The following FOXN3 variants were observed in gnomAD, a reference collection of about 807,000 sequenced individuals.
FOXN3 encodes the protein forkhead box N3.
Under a neutral mutation model 38.4 loss-of-function variants are expected in FOXN3, and 7 were observed. The observed-to-expected ratio is 0.18, with a 90% confidence interval of 0.10 to 0.34. FOXN3 has a LOEUF of 0.34. Among genes scored for constraint, FOXN3 ranks in the 10% least tolerant of loss-of-function variants. The pLI is 1.00. For missense variants in FOXN3, 456 were observed against 613.4 expected (o/e 0.74, Z 2.71); for synonymous variants, 230 against 242.2 (o/e 0.95, Z 0.47).
At chr14:89,236,610 T>C (rs1370490682) in intron 4 of FOXN3, among the ~76,000 whole-genome samples, 1 of 152,200 alleles carries the variant, frequency 6.6e-6, no homozygotes, top group Non-Finnish European at 1.5e-5. Flanking sequence ...CAAGGGGCTA[T>C]GGGAGCTAAC....
intron 4 of FOXN3, among the ~76,000 whole-genome samples, chr14:89,231,074 A>T (rs1352098290): frequency 6.6e-6 from 1 of 152,204 alleles, no homozygotes; most frequent in Non-Finnish European, 1.5e-5. Context: ...CTTGATGAGG[A>T]GAAGCATGCC....
intron 4 of FOXN3, among the ~76,000 whole-genome samples, chr14:89,207,549 C>T (rs981812569): frequency 2.6e-5 from 4 of 152,214 alleles, no homozygotes; most frequent in South Asian, 4.2e-4. Flanking sequence ...ATCCTCATTA[C>T]TTGGGGGTGA....
chr14:89,427,645 C>T (rs1892069215), intron 1 of FOXN3, among the ~76,000 whole-genome samples: 1 of 151,736 alleles, frequency 6.6e-6, no homozygotes, highest in African/African-American at 2.4e-5. Flanking sequence ...TGAAAAGGCA[C>T]TACTTGCAAA....
At chr14:89,351,694 T>G (rs770688269) in intron 2 of FOXN3, among the ~76,000 whole-genome samples, 2 of 152,236 alleles carry the variant, frequency 1.3e-5, no homozygotes, top group African/African-American at 4.8e-5. Flanking sequence ...CCCAAACTGT[T>G]TGATAAGGTC....
chr14:89,240,009 G>A (rs1885096146), intron 4 of FOXN3, among the ~76,000 whole-genome samples: 1 of 152,174 alleles, frequency 6.6e-6, no homozygotes. Flanking sequence ...ATCCAGCAGT[G>A]ACTGGTCAAA....
At chr14:89,364,937 G>A (rs972436321) in intron 2 of FOXN3, among the ~76,000 whole-genome samples, 1 of 152,196 alleles carries the variant, frequency 6.6e-6, no homozygotes, top group African/African-American at 2.4e-5. Flanking sequence ...GTGCTTATGC[G>A]TGTTTGAATG....
chr14:89,254,577 T>C (rs764188666), intron 4 of FOXN3, among the ~76,000 whole-genome samples: 117 of 152,206 alleles, frequency 7.7e-4, no homozygotes, highest in Non-Finnish European at 6.9e-4. Context: ...CAGATATTTA[T>C]GTAAAATTTC....
chr14:89,488,307 C>G (rs578122223), intron 1 of FOXN3, among the ~76,000 whole-genome samples: 3 of 151,356 alleles, frequency 2.0e-5, no homozygotes, highest in Admixed American at 6.6e-5. Flanking sequence ...GGGGGCTCCT[C>G]TTTTTCATTA....
intron 3 of FOXN3, among the ~76,000 whole-genome samples, chr14:89,334,335 TGTG>T (rs1450606192): frequency 1.3e-5 from 2 of 151,042 alleles, no homozygotes; most frequent in Non-Finnish European, 3.0e-5. Context: ...GTTGGCTGGA[TGTG>T]GTGGCTCACG....
intron 2 of FOXN3, among the ~76,000 whole-genome samples, chr14:89,357,418 C>T (rs1252308419): frequency 6.6e-6 from 1 of 152,092 alleles, no homozygotes; most frequent in African/African-American, 2.4e-5. Context: ...ACCAGCCTGG[C>T]CAACATGGTG....
chr14:89,578,887 G>A (rs1270106632), intron 1 of FOXN3, among the ~76,000 whole-genome samples: 1 of 152,036 alleles, frequency 6.6e-6, no homozygotes, highest in African/African-American at 2.4e-5. Context: ...TTGCTCCTTC[G>A]CCCAGGCAGG....
In FOXN3 at chr14:89,511,205, T is replaced by TC. The variant is rs1371361538; in HGVS notation, c.-14-98716_-14-98715insG. ...TCTTTCTTTCTTTTCTTTCTTTCTTTTCTTTCTTTCTTTCTTTCTTTCTTT... is the reference window on the plus strand; with the variant it reads ...TCTTTCTTTCTTTTCTTTCTTTCTTTCTCTTTCTTTCTTTCTTTCTTTCTTT... On this transcript the variant is annotated intron_variant, in intron 1 of 6. Coordinates refer to the FOXN3 transcript ENST00000345097. 1.3e-3 allele frequency among the ~76,000 whole-genome samples: 27 copies of TC among 20,146 alleles called. 3 individuals carry two copies. The highest frequency in any genetic ancestry group is 2.7e-3 in the African/African-American group (26 of 9,574). 13.2% of individuals were successfully genotyped at this position (20,146 alleles called of 152,430 possible).
intron 1 of FOXN3, among the ~76,000 whole-genome samples, chr14:89,505,854 C>T (rs1596300969): frequency 6.7e-6 from 1 of 150,190 alleles, no homozygotes; most frequent in African/African-American, 2.4e-5. Context: ...GGCCACCCAT[C>T]ATCTGAGATG....
intron 3 of FOXN3, among the ~76,000 whole-genome samples, chr14:89,336,775 C>T (rs957368720): frequency 3.9e-5 from 6 of 152,194 alleles, no homozygotes; most frequent in Admixed American, 1.3e-4. Flanking sequence ...TGCTAAACAG[C>T]TTACTTTCAT....
intron 1 of FOXN3, among the ~76,000 whole-genome samples, chr14:89,574,024 C>T (rs1895548296): frequency 6.6e-6 from 1 of 152,072 alleles, no homozygotes; most frequent in Admixed American, 6.6e-5. Context: ...CAGCAAGACC[C>T]CATCTCCAAA....
intron 2 of FOXN3, among the ~76,000 whole-genome samples, chr14:89,360,563 G>GA (rs1555421070): frequency 2.1e-5 from 3 of 139,914 alleles, no homozygotes; most frequent in African/African-American, 5.5e-5. Context: ...AAGGAGGTGA[G>GA]GAGAGAGAGA....
intron 3 of FOXN3, among the ~76,000 whole-genome samples, chr14:89,303,671 TC>T (rs1887290627): frequency 6.6e-6 from 1 of 152,138 alleles, no homozygotes; most frequent in Admixed American, 6.5e-5. Context: ...CATAACTACC[TC>T]CCGTTTCCTG....
chr14:89,307,669 G>A (rs531516806), intron 3 of FOXN3, among the ~76,000 whole-genome samples: 1 of 152,130 alleles, frequency 6.6e-6, no homozygotes, highest in South Asian at 2.1e-4. Flanking sequence ...CTGCACCTCT[G>A]CTTATTCTTG....
At chr14:89,360,728 C>CACCACCACCACT (rs1566966337) in intron 2 of FOXN3, among the ~76,000 whole-genome samples, 12 of 111,410 alleles carry the variant, frequency 1.1e-4, no homozygotes, top group South Asian at 3.1e-4. Flanking sequence ...CCTCCACCAC[C>CACCACCACCACT]ACCACCTCCA....
Sources: allele counts gnomAD v4.1 joint callset (sites outside exome capture counted in the v4.1 genomes callset), GRCh38; gene constraint gnomAD v4.1.1; transcripts MANE v1.5; gene names NCBI Gene and HGNC (gene_info 2026-07-23, HGNC 2026-07-21).